The following SMIM35 variants were observed in gnomAD, a reference collection of about 807,000 sequenced individuals.
The protein encoded by SMIM35 is small integral membrane protein 35, also known as TMPRSS4 antisense RNA 1 (non-protein coding).
At chr11:118,032,577 T>G (rs1591287237) in intron 1 of SMIM35, among the ~76,000 whole-genome samples, 1 of 150,904 alleles carries the variant, frequency 6.6e-6, no homozygotes, top group East Asian at 2.0e-4. Context: ...GCATAGTTTA[T>G]TTTTTTTTGC....
Position 118,055,014 on chromosome 11 carries a change from G to C in SMIM35, c.7+31737C>G, listed in dbSNP as rs557411073. ...GAGGCAGGATTTCACCAAGTTGATCGGGCTGGACTCAAATTCCTGACCTCA... is the reference window on the plus strand; with the variant it reads ...GAGGCAGGATTTCACCAAGTTGATCCGGCTGGACTCAAATTCCTGACCTCA... On this transcript the variant is annotated intron_variant, in intron 1 of 4. Transcript: ENST00000689828. 2.2e-4 allele frequency among the ~76,000 whole-genome samples: 34 copies of C among 152,076 alleles called. No individual in the cohort carries two copies. In the Middle Eastern group the frequency reaches 0.014, roughly 61 times the overall value.
At chr11:118,068,758 G>A (rs893003283) in intron 1 of SMIM35, among the ~76,000 whole-genome samples, 8 of 152,128 alleles carry the variant, frequency 5.3e-5, no homozygotes, top group Non-Finnish European at 1.0e-4. Flanking sequence ...CGAGAAACCC[G>A]GGGTAGCGGA....
chr11:118,052,262 G>A (rs543507108), intron 1 of SMIM35, among the ~76,000 whole-genome samples: 8 of 152,230 alleles, frequency 5.3e-5, no homozygotes, highest in Admixed American at 3.3e-4. Flanking sequence ...TCCCGCGTCC[G>A]GCCTTCTACG....
At chr11:118,054,492 T>C (rs1232766052) in intron 1 of SMIM35, among the ~76,000 whole-genome samples, 1 of 152,198 alleles carries the variant, frequency 6.6e-6, no homozygotes, top group African/African-American at 2.4e-5. Flanking sequence ...TTGTTTCAGA[T>C]GACCAGTTAT....
chr11:118,067,960 G>C (rs952170914), intron 1 of SMIM35, among the ~76,000 whole-genome samples: 2 of 142,716 alleles, frequency 1.4e-5, no homozygotes, highest in Admixed American at 7.1e-5. Flanking sequence ...AGAAATAGAA[G>C]TTTCTCTATT....
intron 1 of SMIM35, among the ~76,000 whole-genome samples, chr11:118,019,358 C>T (rs1393395777): frequency 6.6e-6 from 1 of 152,128 alleles, no homozygotes; most frequent in Non-Finnish European, 1.5e-5. Context: ...TGGCTTATTG[C>T]CTGGGTGAGT....
At chr11:118,084,701 A>C (rs1945408764) in intron 1 of SMIM35, among the ~76,000 whole-genome samples, 1 of 152,186 alleles carries the variant, frequency 6.6e-6, no homozygotes, top group Non-Finnish European at 1.5e-5. Context: ...TTCACTTACT[A>C]AACTCCTCTA....
At chr11:118,023,330 C>T (rs1243741218) in intron 1 of SMIM35, among the ~76,000 whole-genome samples, 2 of 152,056 alleles carry the variant, frequency 1.3e-5, no homozygotes, top group African/African-American at 4.8e-5. Flanking sequence ...CAATAAGTCT[C>T]AAATTATAAA....
At chr11:118,062,901 AG>A (rs1157521808) in intron 1 of SMIM35, among the ~76,000 whole-genome samples, 1 of 152,196 alleles carries the variant, frequency 6.6e-6, no homozygotes, top group Non-Finnish European at 1.5e-5. Context: ...CACATGATAC[AG>A]GTCATAAAGA....
rs932201685 is a variant in SMIM35, at chr11:118,006,223, C to T, written c.*187G>A. 1 of 152,216 alleles carries T rather than the reference C, an allele frequency of 6.6e-6. No individual in the cohort carries two copies. The highest frequency in any genetic ancestry group is 1.5e-5 in the Non-Finnish European group (1 of 68,068). 9.4% of individuals were successfully genotyped at this position (152,216 alleles called of 1,614,324 possible). The stretch of plus-strand genomic sequence containing the variant: ...TGGTATGCTATAATATGCGAATGGC[C>T]GGATGGACTGCCGCAGCAAGCTTGT... On this transcript the variant is annotated 3_prime_UTR_variant, in exon 5 of 5. Transcript: ENST00000689828.
chr11:118,040,475 A>C (rs752085740), intron 1 of SMIM35, among the ~76,000 whole-genome samples: 2 of 152,254 alleles, frequency 1.3e-5, no homozygotes, highest in African/African-American at 4.8e-5. Flanking sequence ...ACTGTCAACC[A>C]AAAGTCCTAC....
chr11:118,060,668 G>C (rs1206845917), intron 1 of SMIM35, among the ~76,000 whole-genome samples: 1 of 152,030 alleles, frequency 6.6e-6, no homozygotes, highest in Non-Finnish European at 1.5e-5. Flanking sequence ...GCAAATGGCT[G>C]TCTGGGACCC....
chr11:118,033,420 C>T (rs568006084), intron 1 of SMIM35, among the ~76,000 whole-genome samples: 67 of 152,304 alleles, frequency 4.4e-4, no homozygotes, highest in African/African-American at 1.6e-3. Context: ...AGGCTTTCAA[C>T]ACAGTTTAAA....
chr11:118,017,760 C>A (rs1302603998), intron 1 of SMIM35, among the ~76,000 whole-genome samples: 1 of 152,060 alleles, frequency 6.6e-6, no homozygotes, highest in Non-Finnish European at 1.5e-5. Context: ...GCTGGGGAGG[C>A]CTCAGGAAAC....
At chr11:118,039,825 A>G (rs1386043767) in intron 1 of SMIM35, among the ~76,000 whole-genome samples, 3 of 151,538 alleles carry the variant, frequency 2.0e-5, no homozygotes, top group Non-Finnish European at 4.4e-5. Flanking sequence ...CCGAGGCGGG[A>G]CTCGAGAAAA....
intron 1 of SMIM35, among the ~76,000 whole-genome samples, chr11:118,073,153 G>T (rs985745056): frequency 6.6e-6 from 1 of 152,170 alleles, no homozygotes; most frequent in African/African-American, 2.4e-5. Flanking sequence ...GGCCAGGCTG[G>T]TCTCAAACTC....
chr11:118,023,107 T>A (rs2058245626), intron 1 of SMIM35, among the ~76,000 whole-genome samples: 1 of 151,906 alleles, frequency 6.6e-6, no homozygotes, highest in South Asian at 2.1e-4. Flanking sequence ...CACAATATCC[T>A]CATTCAGTCA....
At chr11:118,020,665 T>C (rs1430424821) in intron 1 of SMIM35, among the ~76,000 whole-genome samples, 3 of 152,190 alleles carry the variant, frequency 2.0e-5, no homozygotes, top group Non-Finnish European at 4.4e-5. Context: ...GCTTGTTTTG[T>C]GTATATTGGT....
At chr11:118,036,827 A>G (rs1384535340) in intron 1 of SMIM35, among the ~76,000 whole-genome samples, 1 of 152,226 alleles carries the variant, frequency 6.6e-6, no homozygotes, top group African/African-American at 2.4e-5. Context: ...GAGCTCCCAT[A>G]CAAAGGGAGG....
Sources: gnomAD v4.1 joint callset for allele counts (sites outside exome capture counted in the v4.1 genomes callset) on GRCh38, gnomAD v4.1.1 for gene constraint, MANE v1.5 for transcripts, NCBI Gene and HGNC (gene_info 2026-07-23, HGNC 2026-07-21) for gene names.